RMDN2: variants seen among roughly 807,000 people sequenced by gnomAD.
RMDN2 encodes regulator of microtubule dynamics 2, also known as regulator of microtubule dynamics protein 2.
A neutral mutation model predicts 52.8 loss-of-function variants in RMDN2; 61 were observed. The observed-to-expected ratio is 1.16, with a 90% CI of 0.94 to 1.43. The LOEUF is 1.43. RMDN2 is among the 40% of genes most tolerant of loss of function. The pLI is 0.00. For synonymous variants in RMDN2, 180 were observed against 153.1 expected (o/e 1.18, Z -1.30); for missense variants, 592 against 475.3 (o/e 1.25, Z -2.28).
intron 2 of RMDN2, among the ~76,000 whole-genome samples, chr2:37,967,293 T>C (rs1301718023): frequency 2.0e-5 from 3 of 152,216 alleles, no homozygotes; most frequent in African/African-American, 4.8e-5. Flanking sequence ...GCTAAAACTG[T>C]TGCATCAAGA....
At chr2:37,978,165 C>T (rs185542234) in intron 4 of RMDN2, among the ~76,000 whole-genome samples, 5,552 of 152,230 alleles carry the variant, frequency 0.036, 296 homozygotes, top group African/African-American at 0.12. Context: ...CCAAAAAATA[C>T]GAAAACCAGT....
chr2:38,063,560 A>G (rs1412351366), intron 10 of RMDN2, among the ~76,000 whole-genome samples: 1 of 152,182 alleles, frequency 6.6e-6, no homozygotes, highest in Non-Finnish European at 1.5e-5. Context: ...ATGGGATCTA[A>G]TTAAACTAAA....
At chr2:38,000,199 C>T (rs1422923261) in intron 8 of RMDN2, among the ~76,000 whole-genome samples, 1 of 152,114 alleles carries the variant, frequency 6.6e-6, no homozygotes, top group African/African-American at 2.4e-5. Context: ...GCATGCTTCC[C>T]ACCTCATCCA....
At chr2:38,042,870 A>G (rs1681050439) in intron 10 of RMDN2, among the ~76,000 whole-genome samples, 1 of 152,136 alleles carries the variant, frequency 6.6e-6, no homozygotes, top group South Asian at 2.1e-4. Context: ...ATATGTTTGT[A>G]TGATTTTTAA....
At chr2:37,963,910 C>G (rs1670646334) in intron 2 of RMDN2, among the ~76,000 whole-genome samples, 2 of 151,118 alleles carry the variant, frequency 1.3e-5, no homozygotes. Context: ...AGGCGCCCCC[C>G]CACCTCCCGG....
intron 2 of RMDN2, among the ~76,000 whole-genome samples, chr2:37,967,172 C>T (rs1356875912): frequency 6.6e-6 from 1 of 151,928 alleles, no homozygotes; most frequent in Non-Finnish European, 1.5e-5. Context: ...TTGAAGAAAA[C>T]CAATGATTAA....
chr2:37,970,290 A>AG (rs1671624112), intron 2 of RMDN2, among the ~76,000 whole-genome samples: 1 of 151,996 alleles, frequency 6.6e-6, no homozygotes, highest in African/African-American at 2.4e-5. Flanking sequence ...GGAAAAAAAA[A>AG]TTTTTTTGGT....
At chr2:38,030,695 T>C (rs1310953554) in intron 10 of RMDN2, 4 of 152,210 alleles carry the variant, frequency 2.6e-5, no homozygotes, top group Admixed American at 2.6e-4. Flanking sequence ...ACTAAGATAG[T>C]TTAAGAAAAT....
intron 2 of RMDN2, among the ~76,000 whole-genome samples, chr2:37,962,446 G>A (rs1400415631): frequency 1.3e-5 from 2 of 152,212 alleles, no homozygotes; most frequent in African/African-American, 2.4e-5. Context: ...CTGCACTGCA[G>A]TGGGCTCCAC....
In RMDN2 at chr2:38,017,611, A is replaced by T. The variant is rs1406698444; in HGVS notation, c.*372A>T. 8.2e-7 allele frequency: 1 copy of T among 1,220,160 alleles called. No homozygotes were observed. 75.6% of individuals were successfully genotyped at this position (1,220,160 alleles called of 1,614,324 possible). On this transcript the variant is annotated 3_prime_UTR_variant, in exon 11 of 11. Coordinates refer to ENST00000354545, the MANE Select transcript of RMDN2 (RefSeq NM_001170791.3). ...AGACAAAATAATTTCATTAATGTGG[A>T]TGAAAAATGGAAAACTCAGCAAAGG...
Position 37,974,168 on chromosome 2 carries a change from C to A in RMDN2, c.581C>A (p.Ser194Tyr). Residue 194 changes from serine to tyrosine, a missense_variant, in exon 3 of 11, where the codon TCT becomes TAT. By Grantham distance (144) the Ser-to-Tyr change is moderately radical. Transcript: ENST00000354545. ...GTAGATCATTTACGTATGAGTGAGTCTGGCAAGTCGGAGAGTTTTGAACTA... is the reference window on the plus strand; with the variant it reads ...GTAGATCATTTACGTATGAGTGAGTATGGCAAGTCGGAGAGTTTTGAACTA... ...QKVDHLRMSE[S>Y]GKSESFELLR... is the part of the protein sequence containing the mutation. 6.2e-7 allele frequency: 1 copy of A among 1,613,410 alleles called. No individual in the cohort carries two copies. Among genetic ancestry groups the A allele is most frequent in the Non-Finnish European group, 8.5e-7 (1 of 1,179,618 alleles).
At chr2:38,040,933 T>C (rs1323403041) in intron 10 of RMDN2, among the ~76,000 whole-genome samples, 1 of 152,218 alleles carries the variant, frequency 6.6e-6, no homozygotes, top group Non-Finnish European at 1.5e-5. Flanking sequence ...ATTGTGTACA[T>C]ATTTTGTTAG....
intron 7 of RMDN2, among the ~76,000 whole-genome samples, chr2:37,992,371 G>A (rs888500936): frequency 1.3e-5 from 2 of 152,156 alleles, no homozygotes; most frequent in Admixed American, 6.5e-5. Context: ...AGATGGCAAA[G>A]TCAAATAATA....
At chr2:37,943,271 A>C (rs915006540) in intron 2 of RMDN2, among the ~76,000 whole-genome samples, 5 of 152,220 alleles carry the variant, frequency 3.3e-5, no homozygotes, top group African/African-American at 1.2e-4. Context: ...AAGGTGGATA[A>C]GCCTGAAAAA....
rs76714781 is a variant in RMDN2 at position 37,949,115 on chromosome 2, C to G, written c.452+19386C>G. Among the ~76,000 whole-genome samples the G allele has an allele frequency of 1.9e-3, 285 of 152,262 alleles. 4 individuals are homozygous for G. In the East Asian group the frequency reaches 0.043, roughly 23 times the overall value. The stretch of plus-strand genomic sequence containing the variant: ...CGGCTTAGGAACAAAAGACAGTAGT[C>G]TCACAAGAGAGGGAAAATGTAATAG... On this transcript the variant is annotated intron_variant, in intron 2 of 10. Transcript: ENST00000354545.
At chr2:37,935,692 T>A (rs573429085) in intron 2 of RMDN2, among the ~76,000 whole-genome samples, 1 of 152,316 alleles carries the variant, frequency 6.6e-6, no homozygotes, top group Non-Finnish European at 1.5e-5. Context: ...AAATGGTCTT[T>A]TCTTCTTAAA....
At chr2:37,975,360 T>C (rs1477559549) in intron 4 of RMDN2, 46 bp downstream of exon 4, 2 of 1,075,242 alleles carry the variant, frequency 1.9e-6, no homozygotes, top group Non-Finnish European at 2.9e-6. Flanking sequence ...TTAAGATCTA[T>C]AGTAAATCAT....
At chr2:37,952,387 C>G (rs1483438533) in intron 2 of RMDN2, 11 of 582,062 alleles carry the variant, frequency 1.9e-5, no homozygotes, top group Non-Finnish European at 3.2e-5. Flanking sequence ...AGTTAGTTTA[C>G]TGATGTTATT....
chr2:37,992,582 T>A (rs559047403), intron 7 of RMDN2, among the ~76,000 whole-genome samples: 2 of 152,324 alleles, frequency 1.3e-5, no homozygotes, highest in South Asian at 4.1e-4. Flanking sequence ...AAGGAAAGAA[T>A]GCACATTTTA....
Sources: allele counts gnomAD v4.1 joint callset (sites outside exome capture counted in the v4.1 genomes callset), GRCh38; gene constraint gnomAD v4.1.1; transcripts MANE v1.5; gene names NCBI Gene and HGNC (gene_info 2026-07-23, HGNC 2026-07-21).